Variants in DOP1A observed in about 807,000 individuals in gnomAD.
DOP1A encodes protein DOP1A.
A neutral mutation model predicts 267.6 loss-of-function variants in DOP1A; 90 were observed. The observed-to-expected ratio is 0.34, with a 90% CI of 0.28 to 0.40. DOP1A has a LOEUF of 0.40. DOP1A is among the 10% of genes least tolerant of loss of function. The pLI is 1.00. For missense variants in DOP1A, 2,437 were observed against 2,900.4 expected (o/e 0.84, Z 3.67); for synonymous variants, 932 against 999.1 (o/e 0.93, Z 1.27).
At chr6:83,135,925 T>C (rs755664268) in intron 20 of DOP1A, 47 bp downstream of exon 20, 15 of 1,582,426 alleles carry the variant, frequency 9.5e-6, no homozygotes, top group African/African-American at 1.4e-5. Context: ...ATTATTAAAA[T>C]AAAGTGATAC....
chr6:83,079,083 A>C (rs1767629516), intron 1 of DOP1A, among the ~76,000 whole-genome samples: 1 of 152,174 alleles, frequency 6.6e-6, no homozygotes. Context: ...CAAGGGAGTT[A>C]ACCCTTGTGC....
chr6:83,163,516 TTC>T (rs1263918075), intron 38 of DOP1A, among the ~76,000 whole-genome samples: 6 of 152,204 alleles, frequency 3.9e-5, no homozygotes, highest in African/African-American at 9.6e-5. Context: ...TTAGCATTCA[TTC>T]TGTTTATCTA....
intron 11 of DOP1A, 45 bp downstream of exon 11, chr6:83,122,095 A>C: frequency 6.3e-7 from 1 of 1,588,374 alleles, no homozygotes; most frequent in Non-Finnish European, 8.6e-7. Flanking sequence ...CATAATATGT[A>C]TTCACTTAAT....
intron 7 of DOP1A, among the ~76,000 whole-genome samples, chr6:83,116,813 A>C (rs887520897): frequency 6.6e-6 from 1 of 152,146 alleles, no homozygotes; most frequent in Non-Finnish European, 1.5e-5. Context: ...TCCAACTTAA[A>C]AAAAATCCAA....
In DOP1A at chr6:83,124,707, G is replaced by T. The variant is rs761844285; in HGVS notation, c.1343G>T (p.Arg448Met). 6.2e-7 allele frequency: 1 copy of T among 1,611,140 alleles called. No homozygotes were observed. ...VARWFEECCR[R>M]TLHVRLQIGP... ...TAAAGTGAATTTTGTCCTTTTAGGAGGACACTGCATGTGAGACTTCAGATT... is the reference window on the plus strand; with the variant it reads ...TAAAGTGAATTTTGTCCTTTTAGGATGACACTGCATGTGAGACTTCAGATT... Residue 448 changes from arginine to methionine, a missense_variant and splice_region_variant, in exon 13 of 39, where the codon AGG becomes ATG. Arg to Met is a moderately conservative substitution (Grantham distance 91). Coordinates refer to ENST00000349129, the MANE Select transcript of DOP1A (RefSeq NM_015018.4).
At chr6:83,123,704 G>A (rs970517222) in intron 12 of DOP1A, among the ~76,000 whole-genome samples, 8 of 152,128 alleles carry the variant, frequency 5.3e-5, no homozygotes, top group Non-Finnish European at 1.0e-4. Context: ...ATGCTAGGCA[G>A]ATAGACAGTC....
intron 3 of DOP1A, 68 bp downstream of exon 3, chr6:83,097,183 T>G: frequency 1.3e-6 from 2 of 1,520,980 alleles, no homozygotes; most frequent in Non-Finnish European, 1.8e-6. Context: ...CTTGTTAGAT[T>G]TCTCGAAATC....
In DOP1A at chr6:83,145,623, G is replaced by C; in HGVS notation, c.5641G>C (p.Val1881Leu). 1 of 1,613,590 alleles carries C rather than the reference G, an allele frequency of 6.2e-7. No individual in the cohort carries two copies. The highest frequency in any genetic ancestry group is 8.5e-7 in the Non-Finnish European group (1 of 1,179,778). Residue 1881 changes from valine (V) to leucine (L), a missense_variant, in exon 25 of 39, where the codon GTT (valine) becomes CTT (leucine). Physicochemically the swap from Val to Leu is conservative, Grantham distance 32. This residue lies in a region of DOP1A where 307 missense variants were observed against 308.6 expected (regional missense o/e 0.99). Coordinates refer to ENST00000349129, the MANE Select transcript of DOP1A (RefSeq NM_015018.4). ...AETVIQTVKE[V>L]LKQPPAIAKD... ...AACTGTTATCCAGACTGTAAAAGAA[G>C]TTTTAAAGCAGCCACCAGCCATAGC... is the stretch of plus-strand genomic sequence containing the variant.
At chr6:83,160,055 G>A in intron 37 of DOP1A, 95 bp downstream of exon 37, 2 of 1,188,002 alleles carry the variant, frequency 1.7e-6, no homozygotes. Flanking sequence ...TTTTGTGTAA[G>A]TTGAAATATT....
chr6:83,073,538 A>G (rs1785965746), intron 1 of DOP1A, among the ~76,000 whole-genome samples: 3 of 152,304 alleles, frequency 2.0e-5, no homozygotes, highest in Admixed American at 6.5e-5. Context: ...GATAACTTTC[A>G]TTATGTTTTA....
intron 38 of DOP1A, chr6:83,166,822 T>C (rs1283582779): frequency 3.0e-6 from 3 of 1,013,346 alleles, no homozygotes; most frequent in Non-Finnish European, 3.5e-6. Context: ...ACAATGAAAG[T>C]TTCTGAGCAA....
chr6:83,100,116 G>A (rs1213242698), intron 3 of DOP1A, among the ~76,000 whole-genome samples: 3 of 152,060 alleles, frequency 2.0e-5, no homozygotes, highest in Non-Finnish European at 4.4e-5. Flanking sequence ...TATTTCTAAG[G>A]AAATGTTATG....
chr6:83,085,916 TG>T (rs983799442), intron 1 of DOP1A, among the ~76,000 whole-genome samples: 3 of 152,106 alleles, frequency 2.0e-5, no homozygotes, highest in African/African-American at 7.2e-5. Context: ...GGCTTCTCTG[TG>T]GAGGATGAAT....
chr6:83,106,419 G>GA (rs1216759843), intron 4 of DOP1A, among the ~76,000 whole-genome samples: 3 of 151,992 alleles, frequency 2.0e-5, no homozygotes, highest in Non-Finnish European at 2.9e-5. Flanking sequence ...TAACAAGGAG[G>GA]AAAAAAGGAA....
At chr6:83,103,727 C>T (rs993748624) in intron 4 of DOP1A, among the ~76,000 whole-genome samples, 2 of 152,242 alleles carry the variant, frequency 1.3e-5, no homozygotes, top group East Asian at 1.9e-4. Flanking sequence ...CTTTTCTTAA[C>T]GACTTAACTT....
Position 83,137,901 on chromosome 6 carries a change from G to A in DOP1A, c.3859G>A (p.Val1287Ile), listed in dbSNP as rs780389706. The change falls in exon 21 of 39, where the codon GTT becomes ATT. Residue 1287 changes from valine to isoleucine, a missense_variant. Around this residue, in one of 9 missense-constraint regions of DOP1A, gnomAD observed 878 missense variants for 992.9 expected, o/e 0.88. Transcript: ENST00000349129. ...AAAAGTTTCGGAGAAGGAAACAATA[G>A]TTAAGGAGTCAGGTAAACAACCAGG... The part of the protein sequence containing the change: ...SEKVSEKETI[V>I]KESGKQPGAK... The A allele has an allele frequency of 7.4e-6, 12 of 1,612,490 alleles. No homozygotes were observed. The highest frequency in any genetic ancestry group is 5.1e-6 in the Non-Finnish European group (6 of 1,179,634).
chr6:83,169,424 T>G, downstream of DOP1A: 1 of 1,368,750 alleles, frequency 7.3e-7, no homozygotes, highest in East Asian at 2.4e-5. Flanking sequence ...GAGGGGTGAT[T>G]CTTGATTTTG....
At chr6:83,154,358 C>A in intron 33 of DOP1A, 117 bp downstream of exon 33, 1 of 903,490 alleles carries the variant, frequency 1.1e-6, no homozygotes, top group Non-Finnish European at 1.7e-6. Context: ...TGTCAAGTGT[C>A]AGTGGGGATA....
chr6:83,167,030 CTG>C (rs1477179571), intron 38 of DOP1A: 7 of 985,202 alleles, frequency 7.1e-6, no homozygotes, highest in Non-Finnish European at 8.4e-6. Context: ...ATGTCTGTAG[CTG>C]TGTTTGTGTA....
Sources: allele counts gnomAD v4.1 joint callset (sites outside exome capture counted in the v4.1 genomes callset), GRCh38; gene constraint gnomAD v4.1.1; regional missense constraint gnomAD v4.1.1; transcripts MANE v1.5; gene names NCBI Gene and HGNC (gene_info 2026-07-23, HGNC 2026-07-21).